The following GRXCR1 variants were observed in gnomAD, a reference collection of about 807,000 sequenced individuals.
GRXCR1 encodes glutaredoxin and cysteine rich domain containing 1.
In GRXCR1, 27 loss-of-function variants were observed where a neutral mutation model predicts 27.3. The observed-to-expected ratio is 0.99, with a 90% CI of 0.73 to 1.37. GRXCR1 has a LOEUF of 1.37. GRXCR1 is among the 40% of genes most tolerant of loss of function. The pLI is 0.00. For synonymous variants in GRXCR1, 122 were observed against 131.1 expected (o/e 0.93, Z 0.47); for missense variants, 379 against 354.4 (o/e 1.07, Z -0.56).
intron 3 of GRXCR1, among the ~76,000 whole-genome samples, chr4:43,029,880 AT>A (rs903504890): frequency 1.9e-4 from 29 of 152,214 alleles, no homozygotes; most frequent in African/African-American, 6.8e-4. Flanking sequence ...GTACAATATA[AT>A]TAGTAATCTT....
chr4:42,931,573 T>C (rs1484441982), intron 1 of GRXCR1, among the ~76,000 whole-genome samples: 1 of 130,056 alleles, frequency 7.7e-6, no homozygotes, highest in Non-Finnish European at 1.7e-5. Context: ...TTGGGTCCTT[T>C]CAATTTTTTT....
chr4:42,958,787 A>T lies in GRXCR1; in HGVS notation c.385-4105A>T, dbSNP rs143535434. ...ATAGATATTTCTCCGAAGAAGACATACAAATAGCCAAGAGAGATATATAAA... is the reference window on the plus strand; with the variant it reads ...ATAGATATTTCTCCGAAGAAGACATTCAAATAGCCAAGAGAGATATATAAA... On this transcript the variant is annotated intron_variant, in intron 1 of 3. Coordinates refer to ENST00000399770, the MANE Select transcript of GRXCR1 (RefSeq NM_001080476.3). Among the ~76,000 whole-genome samples the T allele has an allele frequency of 1.9e-3, 282 of 152,144 alleles. 1 individual carries two copies. The highest frequency in any genetic ancestry group is 6.7e-3 in the African/African-American group (277 of 41,562).
chr4:42,925,165 C>T (rs550740710), intron 1 of GRXCR1, among the ~76,000 whole-genome samples: 8 of 151,974 alleles, frequency 5.3e-5, no homozygotes, highest in African/African-American at 1.7e-4. Flanking sequence ...AGGTACAGCT[C>T]CTGTGATTCT....
chr4:42,910,190 G>A (rs1423373672), intron 1 of GRXCR1, among the ~76,000 whole-genome samples: 2 of 152,064 alleles, frequency 1.3e-5, no homozygotes, highest in African/African-American at 4.8e-5. Flanking sequence ...CGGCATGGGG[G>A]AAACCACCCC....
At chr4:42,987,299 G>A (rs1711802655) in intron 2 of GRXCR1, among the ~76,000 whole-genome samples, 2 of 138,212 alleles carry the variant, frequency 1.4e-5, no homozygotes, top group East Asian at 2.1e-4. Flanking sequence ...GAGAGAGAGA[G>A]AAAGAGAGAG....
intron 1 of GRXCR1, among the ~76,000 whole-genome samples, chr4:42,911,783 A>T (rs898629937): frequency 1.3e-5 from 2 of 152,152 alleles, no homozygotes; most frequent in African/African-American, 4.8e-5. Context: ...TAGTGTGAGG[A>T]TTAAATTCAT....
At chr4:42,942,493 C>G (rs1747647153) in intron 1 of GRXCR1, among the ~76,000 whole-genome samples, 1 of 152,022 alleles carries the variant, frequency 6.6e-6, no homozygotes, top group Non-Finnish European at 1.5e-5. Flanking sequence ...AATAGGCAAA[C>G]TTTCTGTAGA....
At chr4:42,915,476 T>C (rs909999480) in intron 1 of GRXCR1, among the ~76,000 whole-genome samples, 2 of 152,108 alleles carry the variant, frequency 1.3e-5, no homozygotes, top group Admixed American at 1.3e-4. Flanking sequence ...TTTTTCCTCC[T>C]TTTTTAGTAG....
chr4:42,986,342 T>G lies in GRXCR1; in HGVS notation c.627+23208T>G, dbSNP rs1012946987. 2.6e-5 allele frequency among the ~76,000 whole-genome samples: 4 copies of G among 152,220 alleles called. No homozygotes were observed. The East Asian group carries it at 7.7e-4, about 29-fold the overall frequency. Reference sequence around the variant, plus strand: ...GCTCATTGTGAGCTTTTTCTCTGAGTGTAACCTATGTCTGTCTTGCAGGAA... The same window carrying G: ...GCTCATTGTGAGCTTTTTCTCTGAGGGTAACCTATGTCTGTCTTGCAGGAA... On this transcript the variant is annotated intron_variant, in intron 2 of 3. Transcript: ENST00000399770.
At chr4:42,901,573 C>T (rs899506236) in intron 1 of GRXCR1, among the ~76,000 whole-genome samples, 1 of 152,190 alleles carries the variant, frequency 6.6e-6, no homozygotes, top group Non-Finnish European at 1.5e-5. Context: ...GGATAATCTT[C>T]CTATCTCAAG....
intron 3 of GRXCR1, among the ~76,000 whole-genome samples, chr4:43,025,656 T>G (rs1481986586): frequency 6.6e-6 from 1 of 152,220 alleles, no homozygotes; most frequent in African/African-American, 2.4e-5. Flanking sequence ...GGTCAACGTT[T>G]CCGCAGCAGT....
At chr4:42,967,616 C>G (rs141391379) in intron 2 of GRXCR1, among the ~76,000 whole-genome samples, 1 of 151,938 alleles carries the variant, frequency 6.6e-6, no homozygotes. Context: ...CATTTTTAGT[C>G]ATGTTTTTCT....
intron 1 of GRXCR1, among the ~76,000 whole-genome samples, chr4:42,931,118 T>C (rs1451461121): frequency 1.3e-5 from 2 of 152,022 alleles, no homozygotes; most frequent in African/African-American, 4.8e-5. Context: ...TCCTTCTCTC[T>C]TCTGTCCTTT....
intron 1 of GRXCR1, among the ~76,000 whole-genome samples, chr4:42,914,653 T>A (rs1368296950): frequency 2.6e-5 from 4 of 152,176 alleles, no homozygotes; most frequent in Non-Finnish European, 5.9e-5. Context: ...TGTTTTTAAA[T>A]GTGAGGACAT....
At chr4:42,894,285 T>G (rs1252776127) in intron 1 of GRXCR1, among the ~76,000 whole-genome samples, 2 of 152,150 alleles carry the variant, frequency 1.3e-5, no homozygotes, top group Non-Finnish European at 2.9e-5. Flanking sequence ...TTAACATTTA[T>G]TACTTTAAAT....
chr4:43,008,677 T>C (rs1195099949), intron 2 of GRXCR1, among the ~76,000 whole-genome samples: 1 of 152,210 alleles, frequency 6.6e-6, no homozygotes, highest in Non-Finnish European at 1.5e-5. Context: ...GAGGTAGATA[T>C]AATTTTAAAT....
intron 2 of GRXCR1, among the ~76,000 whole-genome samples, chr4:43,015,655 C>T (rs1577946473): frequency 1.3e-5 from 2 of 151,820 alleles, no homozygotes; most frequent in African/African-American, 4.8e-5. Context: ...TAGAGTATTT[C>T]CTATAAATTT....
At chr4:42,929,415 G>A (rs529085530) in intron 1 of GRXCR1, among the ~76,000 whole-genome samples, 6 of 152,074 alleles carry the variant, frequency 3.9e-5, no homozygotes, top group African/African-American at 1.4e-4. Flanking sequence ...TAACAAAGAT[G>A]TCATGGAGGC....
intron 1 of GRXCR1, among the ~76,000 whole-genome samples, chr4:42,931,935 C>T (rs138171059): frequency 1.4e-3 from 217 of 152,008 alleles, no homozygotes; most frequent in Non-Finnish European, 2.3e-3. Flanking sequence ...GAGCAAGGGA[C>T]GTCTTACATG....
Sources: gnomAD v4.1 joint callset for allele counts (sites outside exome capture counted in the v4.1 genomes callset) on GRCh38, gnomAD v4.1.1 for gene constraint, MANE v1.5 for transcripts, NCBI Gene and HGNC (gene_info 2026-07-23, HGNC 2026-07-21) for gene names.